MGA: variants seen among roughly 807,000 people sequenced by gnomAD.
The protein encoded by MGA is MAX dimerization protein MGA, also known as MAX gene-associated protein.
Under a neutral mutation model 261.1 loss-of-function variants are expected in MGA, and 40 were observed. The ratio of observed to expected loss-of-function variants is 0.15; its 90% CI spans 0.12 to 0.20. The LOEUF (loss-of-function observed/expected upper bound fraction) is 0.20, where lower values mean the gene tolerates loss of function less well. MGA is among the 10% of genes least tolerant of loss of function. The pLI is 1.00. For synonymous variants in MGA, 1,302 were observed against 1,290.6 expected (o/e 1.01, Z -0.19); for missense variants, 3,397 against 3,630.5 (o/e 0.94, Z 1.65).
chr15:41,750,602 A>G lies in MGA; in HGVS notation c.6995A>G (p.Asp2332Gly), dbSNP rs1176222517. The G allele has an allele frequency of 3.4e-5, 55 of 1,606,232 alleles. No individual in the cohort carries two copies. The highest frequency in any genetic ancestry group is 4.5e-5 in the Non-Finnish European group (53 of 1,176,538). ...TCTGACTACCAGAGTGAGGAGGTTG[A>G]TGATGTAGAAAAGGTGGTGAGCCCA... The change falls in exon 17 of 24, where the codon GAT (aspartate) becomes GGT (glycine). Residue 2332 changes from aspartate to glycine, a missense_variant. Physicochemically the swap from Asp to Gly is moderately conservative, Grantham distance 94. Transcript: ENST00000219905.
intron 1 of MGA, among the ~76,000 whole-genome samples, chr15:41,638,580 G>C (rs114673960): frequency 0.019 from 2,809 of 151,692 alleles, 81 homozygotes; most frequent in African/African-American, 0.065. Context: ...TTTCCCAGGG[G>C]TCTTGCTTGT....
chr15:41,662,183 C>T (rs897184617), intron 1 of MGA, among the ~76,000 whole-genome samples: 34 of 152,150 alleles, frequency 2.2e-4, no homozygotes, highest in African/African-American at 8.0e-4. Flanking sequence ...ACAGAAAACA[C>T]AGGCTAAAGA....
intron 1 of MGA, among the ~76,000 whole-genome samples, chr15:41,661,652 C>T: frequency 6.6e-6 from 1 of 152,304 alleles, no homozygotes; most frequent in African/African-American, 2.4e-5. Flanking sequence ...ACACGTGGAT[C>T]ATGAGAAGTC....
chr15:41,663,937 A>G (rs1452889132), intron 1 of MGA, among the ~76,000 whole-genome samples: 1 of 152,192 alleles, frequency 6.6e-6, no homozygotes, highest in East Asian at 1.9e-4. Context: ...GAAAATTCAT[A>G]TGGTAGCTCC....
chr15:41,739,825 A>G, intron 13 of MGA, 81 bp from the exon 14 acceptor site: 1 of 1,368,324 alleles, frequency 7.3e-7, no homozygotes, highest in Non-Finnish European at 9.9e-7. Context: ...GAAAACTTGT[A>G]AAAATGAAGC....
At chr15:41,741,273 G>T (rs2062077069) in intron 14 of MGA, among the ~76,000 whole-genome samples, 1 of 149,626 alleles carries the variant, frequency 6.7e-6, no homozygotes, top group Non-Finnish European at 1.5e-5. Flanking sequence ...CTTGAACCCG[G>T]GAGGCAGAGG....
At chr15:41,725,300 T>C (rs1222558454) in intron 9 of MGA, among the ~76,000 whole-genome samples, 2 of 152,212 alleles carry the variant, frequency 1.3e-5, no homozygotes, top group Non-Finnish European at 2.9e-5. Context: ...TAGTGAGACC[T>C]GGTCTCTAAA....
chr15:41,673,194 C>T (rs1360699870), intron 2 of MGA, among the ~76,000 whole-genome samples: 4 of 151,918 alleles, frequency 2.6e-5, no homozygotes, highest in Non-Finnish European at 5.9e-5. Flanking sequence ...ATTATGCTCT[C>T]GTAGTCCTTA....
intron 12 of MGA, 102 bp from the exon 13 acceptor site, chr15:41,736,079 G>T (rs1268430817): frequency 1.9e-6 from 2 of 1,050,144 alleles, no homozygotes; most frequent in Non-Finnish European, 2.6e-6. Flanking sequence ...TACTGTGAAA[G>T]AACGTGAGAA....
In MGA at chr15:41,767,224, C is replaced by T; in HGVS notation, c.9142C>T (p.Pro3048Ser). ...AAGCAAGGTGATGCCTACATTGGCA[C>T]CTGTTGTGGCTAAATTGGGCAACTC... is the stretch of plus-strand genomic sequence containing the variant. The change falls in exon 24 of 24, where the codon CCT becomes TCT. Residue 3048 changes from proline (P) to serine (S), a missense_variant. Physicochemically the swap from Pro to Ser is moderately conservative, Grantham distance 74. Transcript: ENST00000219905. 1 of 1,613,896 alleles carries T rather than the reference C, an allele frequency of 6.2e-7. No homozygotes were observed. Among genetic ancestry groups the T allele is most frequent in the Non-Finnish European group, 8.5e-7 (1 of 1,179,844 alleles).
chr15:41,652,801 T>G (rs1486484562), intron 1 of MGA, among the ~76,000 whole-genome samples: 1 of 152,040 alleles, frequency 6.6e-6, no homozygotes, highest in Admixed American at 6.5e-5. Flanking sequence ...CCCAGGGGAC[T>G]TGTTTTTATT....
chr15:41,737,102 G>A (rs1287927637), intron 13 of MGA, among the ~76,000 whole-genome samples: 1 of 152,150 alleles, frequency 6.6e-6, no homozygotes, highest in Admixed American at 6.6e-5. Flanking sequence ...GTAAGGGGAA[G>A]ATGAAATTGA....
At chr15:41,709,100 A>C (rs572364929) in intron 7 of MGA, among the ~76,000 whole-genome samples, 1 of 152,220 alleles carries the variant, frequency 6.6e-6, no homozygotes, top group East Asian at 1.9e-4. Flanking sequence ...ATCTACCAGC[A>C]CTTTGGGAGG....
At chr15:41,634,164 G>A (rs2056652568) in intron 1 of MGA, among the ~76,000 whole-genome samples, 1 of 152,020 alleles carries the variant, frequency 6.6e-6, no homozygotes, top group South Asian at 2.1e-4. Flanking sequence ...ATTACATCAT[G>A]TATTTATTTA....
At chr15:41,756,628 A>G (rs1030866122) in intron 18 of MGA, among the ~76,000 whole-genome samples, 2 of 152,220 alleles carry the variant, frequency 1.3e-5, no homozygotes, top group Admixed American at 1.3e-4. Flanking sequence ...CTAAATAACT[A>G]CTAACATTCT....
Position 41,711,099 on chromosome 15 carries a change from T to A in MGA, c.2834T>A (p.Ile945Asn). The change falls in exon 8 of 24, where the codon ATC (isoleucine) becomes AAC (asparagine). Residue 945 changes from isoleucine (I) to asparagine (N), a missense_variant. By Grantham distance (149) the Ile-to-Asn change is moderately radical (BLOSUM62 -3). This residue lies in a region of MGA where 519 missense variants were observed against 554.1 expected (regional missense o/e 0.94). Transcript: ENST00000219905. ...AAGGTTACCAAGAATTCTTCAGGCA[T>A]CATCTCAGAAAATCAGGCGAATAAC... The A allele has an allele frequency of 6.2e-7, 1 of 1,614,060 alleles. No homozygotes were observed.
intron 15 of MGA, 106 bp from the exon 16 acceptor site, chr15:41,748,525 CAGCCTG>C: frequency 8.0e-7 from 1 of 1,252,228 alleles, no homozygotes; most frequent in Non-Finnish European, 1.1e-6. Flanking sequence ...CATTGCACTC[CAGCCTG>C]AGCAACAAAG....
At chr15:41,642,485 T>A (rs1159718533) in intron 1 of MGA, among the ~76,000 whole-genome samples, 1 of 151,538 alleles carries the variant, frequency 6.6e-6, no homozygotes, top group African/African-American at 2.4e-5. Context: ...AATTTTATTA[T>A]TATTATTATT....
intron 2 of MGA, among the ~76,000 whole-genome samples, chr15:41,681,657 C>T (rs2058687083): frequency 6.6e-6 from 1 of 151,906 alleles, no homozygotes; most frequent in Admixed American, 6.6e-5. Context: ...ACCATGTTTC[C>T]CAGGCTGGTC....
Sources: gnomAD v4.1 joint callset for allele counts (sites outside exome capture counted in the v4.1 genomes callset) on GRCh38, gnomAD v4.1.1 for gene constraint, gnomAD v4.1.1 regional missense constraint, MANE v1.5 for transcripts, NCBI Gene and HGNC (gene_info 2026-07-23, HGNC 2026-07-21) for gene names.